VGLL4: variants seen among roughly 807,000 people sequenced by gnomAD.
The protein encoded by VGLL4 is transcription cofactor vestigial-like protein 4.
In VGLL4, 7 loss-of-function variants were observed where a neutral mutation model predicts 21.0. That is an observed-to-expected ratio of 0.33 (90% CI 0.19 to 0.63). The LOEUF is 0.63. Among genes scored for constraint, VGLL4 ranks in the 20% least tolerant of loss-of-function variants. The pLI is 0.78. For missense variants in VGLL4, 394 were observed against 425.7 expected (o/e 0.93, Z 0.66); for synonymous variants, 222 against 173.2 (o/e 1.28, Z -2.21).
At chr3:11,573,345 AAGAAAGAAAGAAAG>A (rs1559870504) in intron 2 of VGLL4, among the ~76,000 whole-genome samples, 3 of 102,484 alleles carry the variant, frequency 2.9e-5, no homozygotes, top group African/African-American at 1.0e-4. Context: ...GAAAGAAAGA[AAGAAAGAAAGAAAG>A]AAAGAAAGAA....
intron 2 of VGLL4, among the ~76,000 whole-genome samples, chr3:11,567,987 A>C (rs2073612856): frequency 6.6e-6 from 1 of 152,142 alleles, no homozygotes. Flanking sequence ...ACGTCTGTTT[A>C]CTCAACCAGC....
chr3:11,601,730 T>C (rs1158519053), intron 2 of VGLL4, 103 bp downstream of exon 2: 3 of 1,313,920 alleles, frequency 2.3e-6, no homozygotes, highest in Non-Finnish European at 3.2e-6. Flanking sequence ...CCTTTTCAAA[T>C]AAAGTATGCA....
chr3:11,675,329 G>C (rs1162066002), intron 2 of VGLL4, among the ~76,000 whole-genome samples: 1 of 151,610 alleles, frequency 6.6e-6, no homozygotes, highest in African/African-American at 2.4e-5. Flanking sequence ...CTGGGGGACA[G>C]AGCAAGGCAC....
At chr3:11,670,014 T>A (rs2125366104) in intron 2 of VGLL4, among the ~76,000 whole-genome samples, 1 of 152,076 alleles carries the variant, frequency 6.6e-6, no homozygotes, top group South Asian at 2.1e-4. Context: ...CTAAACAGAA[T>A]CCCTCTTCCA....
intron 2 of VGLL4, among the ~76,000 whole-genome samples, chr3:11,694,055 T>G (rs1229597797): frequency 1.3e-5 from 2 of 152,318 alleles, no homozygotes; most frequent in South Asian, 2.1e-4. Context: ...AGAAGCCCTA[T>G]AAACCTCAGT....
chr3:11,628,677 G>A (rs766484980), intron 1 of VGLL4, among the ~76,000 whole-genome samples: 5 of 152,074 alleles, frequency 3.3e-5, no homozygotes, highest in African/African-American at 4.8e-5. Context: ...ACATTTAGCC[G>A]GGCGTGGTGG....
At chr3:11,616,817 G>A (rs2616557) in intron 1 of VGLL4, among the ~76,000 whole-genome samples, 76,478 of 152,088 alleles carry the variant, frequency 0.5, 22,302 homozygotes, top group African/African-American at 0.78. Context: ...TCTTTGCCTC[G>A]AAAATTTTAG....
At chr3:11,652,511 C>G (rs955785582) in intron 2 of VGLL4, among the ~76,000 whole-genome samples, 2 of 152,126 alleles carry the variant, frequency 1.3e-5, no homozygotes, top group South Asian at 4.2e-4. Context: ...ACTTCTGCCC[C>G]CCGGGTTCAA....
At chr3:11,628,362 T>A (rs2125311334) in intron 1 of VGLL4, among the ~76,000 whole-genome samples, 1 of 149,870 alleles carries the variant, frequency 6.7e-6, no homozygotes, top group East Asian at 2.0e-4. Flanking sequence ...CAAGCCAGCC[T>A]GGGCAACAAG....
At chr3:11,577,177 G>A (rs1575405267) in intron 2 of VGLL4, among the ~76,000 whole-genome samples, 1 of 152,200 alleles carries the variant, frequency 6.6e-6, no homozygotes, top group African/African-American at 2.4e-5. Context: ...GGTCTGAGGA[G>A]ACCTTCTGCC....
chr3:11,718,232 G>A (rs1439787231), intron 1 of VGLL4, among the ~76,000 whole-genome samples: 2 of 152,160 alleles, frequency 1.3e-5, no homozygotes, highest in Admixed American at 6.5e-5. Flanking sequence ...TCCACCGTGG[G>A]GGAGATGACT....
At chr3:11,617,495 G>GA (rs2075184585) in intron 1 of VGLL4, among the ~76,000 whole-genome samples, 1 of 152,212 alleles carries the variant, frequency 6.6e-6, no homozygotes, top group Non-Finnish European at 1.5e-5. Flanking sequence ...ACCTGAGTCA[G>GA]GGAACAGGGC....
intron 2 of VGLL4, among the ~76,000 whole-genome samples, chr3:11,685,280 C>A (rs528923955): frequency 9.2e-4 from 139 of 151,340 alleles, no homozygotes; most frequent in African/African-American, 3.2e-3. Context: ...CTTACTGCAA[C>A]CTCTGCCTCC....
intron 2 of VGLL4, among the ~76,000 whole-genome samples, chr3:11,669,768 C>T (rs1171008928): frequency 6.6e-6 from 1 of 152,104 alleles, no homozygotes; most frequent in Non-Finnish European, 1.5e-5. Flanking sequence ...TAGCCTCGAC[C>T]TCCTGGTCCC....
In VGLL4 at chr3:11,643,862, C is replaced by T; in HGVS notation, c.-344G>A. On this transcript the variant is annotated 5_prime_UTR_variant, in exon 1 of 5. Coordinates refer to ENST00000430365, the MANE Select transcript of VGLL4 (RefSeq NM_001128219.3). ...CAGCCCGTTTCCTAGGACAAAGCGG[C>T]GCCGGCCCCTCTCACAGCCCGCTGC... 2.0e-6 allele frequency: 2 copies of T among 1,022,292 alleles called. No individual in the cohort carries two copies. The highest frequency in any genetic ancestry group is 7.7e-5 in the South Asian group (2 of 26,060). 63.3% of individuals were successfully genotyped at this position (1,022,292 alleles called of 1,614,324 possible). A position where few individuals can be genotyped will look rare whatever the true frequency, so the allele number is the denominator to read the frequency against.
intron 1 of VGLL4, among the ~76,000 whole-genome samples, chr3:11,641,758 G>C (rs1423931900): frequency 6.6e-6 from 1 of 152,042 alleles, no homozygotes; most frequent in Non-Finnish European, 1.5e-5. Flanking sequence ...CAAATACCGA[G>C]AGAGAAGAGC....
At chr3:11,646,814 C>T (rs994548696), upstream of VGLL4, among the ~76,000 whole-genome samples, 11 of 152,132 alleles carry the variant, frequency 7.2e-5, no homozygotes, top group African/African-American at 2.4e-4. Context: ...ACAGCCACCA[C>T]GTCTTTCCCG....
At chr3:11,708,355 T>G (rs1440871624) in intron 1 of VGLL4, among the ~76,000 whole-genome samples, 1 of 152,054 alleles carries the variant, frequency 6.6e-6, no homozygotes, top group Non-Finnish European at 1.5e-5. Context: ...ACCTAAAGAA[T>G]GAGAAGAATT....
At chr3:11,705,236 C>A (rs1030275473) in intron 1 of VGLL4, among the ~76,000 whole-genome samples, 5 of 152,176 alleles carry the variant, frequency 3.3e-5, no homozygotes, top group African/African-American at 9.7e-5. Context: ...AGATAGAGCT[C>A]GGGAAGCTGA....
Sources: gnomAD v4.1 joint callset for allele counts (sites outside exome capture counted in the v4.1 genomes callset) on GRCh38, gnomAD v4.1.1 for gene constraint, MANE v1.5 for transcripts, NCBI Gene and HGNC (gene_info 2026-07-23, HGNC 2026-07-21) for gene names.